HERC1: variants seen among roughly 807,000 people sequenced by gnomAD.
HERC1 encodes the protein probable E3 ubiquitin-protein ligase HERC1.
HERC1 carries 160 observed loss-of-function variants against 554.3 expected under a neutral mutation model. That is an observed-to-expected ratio of 0.29 (90% confidence interval 0.25 to 0.33). The LOEUF (loss-of-function observed/expected upper bound fraction) is 0.33, where lower values mean the gene tolerates loss of function less well. HERC1 is among the 10% of genes least tolerant of loss of function. The pLI is 1.00. For missense variants in HERC1, 4,919 were observed against 5,918.5 expected, an observed-to-expected ratio of 0.83 and a Z score of 5.54; for synonymous variants, 2,175 against 2,131.7, an observed-to-expected ratio of 1.02 and a Z score of -0.56.
At chr15:63,630,439 A>C (rs1276362561) in intron 69 of HERC1, 27 bp downstream of exon 69, 4 of 1,594,766 alleles carry the variant, frequency 2.5e-6, no homozygotes, top group Non-Finnish European at 3.4e-6. Context: ...AGAATATGAG[A>C]AAGCAGCAAG....
chr15:63,700,247 T>G (rs896585273), intron 25 of HERC1, among the ~76,000 whole-genome samples: 7 of 152,158 alleles, frequency 4.6e-5, no homozygotes, highest in African/African-American at 1.7e-4. Flanking sequence ...TCATCCACAT[T>G]ACTAAGTGTA....
At chr15:63,709,059 G>A (rs1239749177) in intron 24 of HERC1, among the ~76,000 whole-genome samples, 1 of 152,064 alleles carries the variant, frequency 6.6e-6, no homozygotes, top group East Asian at 1.9e-4. Context: ...GCGCCATCTC[G>A]GCTCACTATA....
chr15:63,683,908 C>A (rs2071610834), intron 34 of HERC1, among the ~76,000 whole-genome samples: 1 of 152,240 alleles, frequency 6.6e-6, no homozygotes, highest in Admixed American at 6.5e-5. Context: ...AAGCTAAAAC[C>A]TGACACTGTG....
At chr15:63,618,317 A>G (rs1199547594) in intron 74 of HERC1, among the ~76,000 whole-genome samples, 1 of 152,158 alleles carries the variant, frequency 6.6e-6, no homozygotes, top group Non-Finnish European at 1.5e-5. Context: ...AGTTGTAGAT[A>G]TGCGGCATTA....
chr15:63,777,334 C>T (rs1434277871), intron 1 of HERC1, among the ~76,000 whole-genome samples: 1 of 152,146 alleles, frequency 6.6e-6, no homozygotes, highest in Non-Finnish European at 1.5e-5. Context: ...AAATCATGAT[C>T]CTCCATCCCA....
At position 63,624,194 on chromosome 15, in the gene HERC1, T is replaced by C. The variant is rs1323842583; in HGVS notation, c.13409A>G (p.Tyr4470Cys). 3.7e-6 allele frequency: 6 copies of C among 1,613,938 alleles called. No homozygotes were observed. The highest frequency in any genetic ancestry group is 2.2e-5 in the South Asian group (2 of 91,076). ...CCTCTTTACAGTTATCTGAGGTCCA[T>C]AGTTTTTGCCTTGAACCATGGTTTT... ...IGKTMVQGKN[Y>C]GPQITVKRIS... is the part of the protein sequence containing the mutation. Residue 4470 changes from tyrosine to cysteine, a missense_variant, in exon 72 of 78, where the codon TAT (tyrosine) becomes TGT (cysteine). Transcript: ENST00000443617.
At chr15:63,634,705 T>A (rs1566958246) in intron 66 of HERC1, 28 bp downstream of exon 66, 1 of 1,590,140 alleles carries the variant, frequency 6.3e-7, no homozygotes, top group Admixed American at 1.7e-5. Flanking sequence ...AATGATCAGC[T>A]AGAATATCTT....
At chr15:63,640,469 A>G (rs761647783) in intron 60 of HERC1, 24 bp from the exon 61 acceptor site, 128 of 1,585,040 alleles carry the variant, frequency 8.1e-5, no homozygotes, top group Non-Finnish European at 1.1e-4. Context: ...CAAGGATATA[A>G]TATGTCAAAG....
At chr15:63,793,980 GC>G (rs2144373436) in intron 1 of HERC1, among the ~76,000 whole-genome samples, 2 of 152,212 alleles carry the variant, frequency 1.3e-5, no homozygotes, top group African/African-American at 4.8e-5. Context: ...AAAGGAGCTG[GC>G]TAAAACTCAC....
At position 63,753,097 on chromosome 15, in the gene HERC1, A is replaced by C. The variant is rs773339401; in HGVS notation, c.1775-12T>G. Reference sequence around the variant, plus strand: ...ATGACCAAGTTTACCTATAAAAACAAACACATTAAACAATTTACTTGTTTT... The same window carrying C: ...ATGACCAAGTTTACCTATAAAAACACACACATTAAACAATTTACTTGTTTT... On this transcript the variant is annotated splice_polypyrimidine_tract_variant and intron_variant, in intron 7 of 77. Coordinates refer to ENST00000443617, the MANE Select transcript of HERC1 (RefSeq NM_003922.4). 9.0e-6 allele frequency: 14 copies of C among 1,561,306 alleles called. No individual in the cohort carries two copies. The highest frequency in any genetic ancestry group is 3.8e-5 in the Admixed American group (2 of 52,238).
chr15:63,733,842 A>G (rs1362199797), intron 13 of HERC1, among the ~76,000 whole-genome samples: 2 of 150,596 alleles, frequency 1.3e-5, no homozygotes, highest in East Asian at 2.0e-4. Flanking sequence ...ACAGAGCAAA[A>G]CCCTGTCTCA....
chr15:63,666,464 C>A lies in HERC1; in HGVS notation c.8215G>T (p.Asp2739Tyr). 1 of 1,596,704 alleles carries A rather than the reference C, an allele frequency of 6.3e-7. No individual in the cohort carries two copies. The highest frequency in any genetic ancestry group is 1.1e-5 in the South Asian group (1 of 89,338). The change falls in exon 41 of 78, where the codon GAC becomes TAC. Residue 2739 changes from aspartate to tyrosine, a missense_variant. Physicochemically the swap from Asp to Tyr is radical, Grantham distance 160. Coordinates refer to ENST00000443617, the MANE Select transcript of HERC1 (RefSeq NM_003922.4). The part of the protein sequence containing the change: ...ARPANRTALS[D>Y]PSSRLSTSPP... The stretch of plus-strand genomic sequence containing the variant: ...GAAGTTGAAAGTCTACTGCTTGGGT[C>A]TGACAAGGCTGAGACAAAAGGAAGA...
chr15:63,631,678 T>A (rs1404232531), intron 68 of HERC1, among the ~76,000 whole-genome samples: 2 of 152,198 alleles, frequency 1.3e-5, no homozygotes, highest in African/African-American at 4.8e-5. Flanking sequence ...GTAGCTGGGA[T>A]TACAGGCGCC....
chr15:63,723,061 A>G, intron 19 of HERC1, 121 bp downstream of exon 19: 2 of 575,214 alleles, frequency 3.5e-6, no homozygotes, highest in Middle Eastern at 5.1e-4. Context: ...TGTTAATAAA[A>G]TATCTTTTTC....
chr15:63,683,896 A>G (rs1210908049), intron 34 of HERC1, among the ~76,000 whole-genome samples: 1 of 152,232 alleles, frequency 6.6e-6, no homozygotes, highest in Non-Finnish European at 1.5e-5. Context: ...GGACCTGACT[A>G]TAAGCTAAAA....
At chr15:63,652,571 ATTT>A (rs2069752262) in intron 51 of HERC1, 30 bp from the exon 52 acceptor site, 1 of 1,499,046 alleles carries the variant, frequency 6.7e-7, no homozygotes, top group African/African-American at 1.4e-5. Context: ...TAGTCTAATA[ATTT>A]TCTATTCAAA....
intron 32 of HERC1, 27 bp from the exon 33 acceptor site, chr15:63,689,726 A>C (rs1184244958): frequency 1.5e-6 from 2 of 1,347,926 alleles, no homozygotes; most frequent in Non-Finnish European, 2.0e-6. Context: ...AAAAGGATAA[A>C]ATTTGTAAAA....
At chr15:63,827,359 C>T (rs1791094805) in intron 1 of HERC1, among the ~76,000 whole-genome samples, 2 of 151,644 alleles carry the variant, frequency 1.3e-5, no homozygotes, top group African/African-American at 4.8e-5. Flanking sequence ...GGGATTAAGG[C>T]CACAGTTTGA....
Position 63,696,134 on chromosome 15 carries a change from T to A in HERC1, c.5111A>T (p.His1704Leu). The change falls in exon 27 of 78, where the codon CAT becomes CTT. Residue 1704 changes from histidine to leucine, a missense_variant. His to Leu is a moderately conservative substitution (Grantham distance 99, BLOSUM62 -3). This residue lies in a region of HERC1 where 1,121 missense variants were observed against 1,244.0 expected (regional missense o/e 0.90). Transcript: ENST00000443617. The stretch of plus-strand genomic sequence containing the variant: ...CAAGGTGTCACCTACCTGATAGTGA[T>A]GCAATCGGCCACTCTCTCCCTTGCC... ...TGGKGESGRL[H>L]HYQDGIRAAK... 1 of 1,611,672 alleles carries A rather than the reference T, an allele frequency of 6.2e-7. No homozygotes were observed. The highest frequency in any genetic ancestry group is 1.1e-5 in the South Asian group (1 of 90,746).
Sources: allele counts gnomAD v4.1 joint callset (sites outside exome capture counted in the v4.1 genomes callset), GRCh38; gene constraint gnomAD v4.1.1; regional missense constraint gnomAD v4.1.1; transcripts MANE v1.5; gene names NCBI Gene and HGNC (gene_info 2026-07-23, HGNC 2026-07-21).